Variants in EEF1AKMT2 observed in about 807,000 individuals in gnomAD.
EEF1AKMT2 encodes EEF1A lysine methyltransferase 2.
In EEF1AKMT2, 32 loss-of-function variants were observed where a neutral mutation model predicts 35.8. The ratio of observed to expected loss-of-function variants is 0.89; its 90% confidence interval spans 0.67 to 1.20. The LOEUF is 1.20. Among genes scored for constraint, EEF1AKMT2 ranks in the 50% most tolerant of loss-of-function variants. The pLI, the probability that EEF1AKMT2 is intolerant of heterozygous loss-of-function variation, is 0.00. For synonymous variants in EEF1AKMT2, 121 were observed against 133.7 expected, an observed-to-expected ratio of 0.91 and a Z score of 0.65; for missense variants, 330 against 347.5, an observed-to-expected ratio of 0.95 and a Z score of 0.40.
chr10:124,789,495 C>T (rs905314164), intron 2 of EEF1AKMT2, among the ~76,000 whole-genome samples: 3 of 152,198 alleles, frequency 2.0e-5, no homozygotes, highest in African/African-American at 7.2e-5. Context: ...AGAGGGCTCA[C>T]ACCCATTCTC....
At chr10:124,788,949 T>TTA (rs1022385909) in intron 3 of EEF1AKMT2, 94 bp downstream of exon 3, 5 of 795,800 alleles carry the variant, frequency 6.3e-6, no homozygotes, top group Non-Finnish European at 8.1e-6. Context: ...CTTTACTATT[T>TTA]TATATTTAGA....
intron 4 of EEF1AKMT2, among the ~76,000 whole-genome samples, chr10:124,768,708 C>T (rs1950402032): frequency 1.3e-5 from 2 of 151,946 alleles, no homozygotes; most frequent in Non-Finnish European, 1.5e-5. Flanking sequence ...CAGGATGGTG[C>T]CACTGCACTC....
At position 124,774,738 on chromosome 10, in the gene EEF1AKMT2, A is replaced by T; in HGVS notation, c.336T>A (p.Pro112=). Reference sequence around the variant, plus strand: ...TACTTCCAGAAAGCTGAATTGCAGAAGGAGAGTAATCAATTCCAGTAATAT... The same window carrying T: ...TACTTCCAGAAAGCTGAATTGCAGATGGAGAGTAATCAATTCCAGTAATAT... The part of the protein sequence containing the change: ...FSNITGIDYS[P]SAIQLSGSII... The change falls in exon 4 of 7, where the codon CCT becomes CCA. Residue 112 remains proline, a synonymous_variant. Transcript: ENST00000368836. The T allele has an allele frequency of 6.7e-7, 1 of 1,486,118 alleles. No homozygotes were observed. 92.1% of individuals were successfully genotyped at this position (1,486,118 alleles called of 1,614,324 possible).
chr10:124,780,685 A>T (rs1453782709), intron 3 of EEF1AKMT2, among the ~76,000 whole-genome samples: 2 of 152,150 alleles, frequency 1.3e-5, no homozygotes, highest in African/African-American at 4.8e-5. Flanking sequence ...TACAGAAAAA[A>T]AAAATAGAAA....
chr10:124,771,346 A>T (rs534728296), intron 4 of EEF1AKMT2, among the ~76,000 whole-genome samples: 2 of 151,178 alleles, frequency 1.3e-5, no homozygotes, highest in South Asian at 2.1e-4. Context: ...TGATCCGCCC[A>T]CCTTGGCCTC....
intron 3 of EEF1AKMT2, among the ~76,000 whole-genome samples, chr10:124,783,137 CTTTTTTTTTT>C (rs34632746): frequency 7.6e-4 from 65 of 85,022 alleles, no homozygotes; most frequent in African/African-American, 2.6e-3. Flanking sequence ...AGGGAAAAAC[CTTTTTTTTTT>C]TTTTTTTTTT....
chr10:124,758,322 T>TG lies in EEF1AKMT2; in HGVS notation c.*2180dup, dbSNP rs1188948731. On this transcript the variant is annotated 3_prime_UTR_variant, in exon 7 of 7. Transcript: ENST00000368836. ...TTTATGGTTTGTTTCAGGAACCTGG[T>TG]GACACTTGCTGGCCTGGTTTTTACA... 5 of 152,202 alleles carry TG rather than the reference T, an allele frequency of 3.3e-5. No individual in the cohort carries two copies. Among genetic ancestry groups the TG allele is most frequent in the Admixed American group, 2.0e-4 (3 of 15,280 alleles). The allele number at this position is 152,202 out of a possible 1,614,324, so 9.4% of individuals were successfully genotyped here.
At chr10:124,764,824 G>A (rs555325461) in intron 5 of EEF1AKMT2, among the ~76,000 whole-genome samples, 2 of 152,332 alleles carry the variant, frequency 1.3e-5, no homozygotes, top group African/African-American at 4.8e-5. Flanking sequence ...CACAATATAT[G>A]TGCTTTTTGT....
rs939301607 is a variant in EEF1AKMT2, at chr10:124,758,825, A to G, written c.*1678T>C. The G allele has an allele frequency of 6.6e-6, 1 of 152,166 alleles. No homozygotes were observed. Among genetic ancestry groups the G allele is most frequent in the Non-Finnish European group, 1.5e-5 (1 of 68,032 alleles). The allele number at this position is 152,166 out of a possible 1,614,324, so 9.4% of individuals were successfully genotyped here. A position where few individuals can be genotyped will look rare whatever the true frequency, so the allele number is the denominator to read the frequency against. ...GATCTCCTGTCTTGGTAAAATCAAC[A>G]CAATCTTCTAAAAAATTTAAATTGC... On this transcript the variant is annotated 3_prime_UTR_variant, in exon 7 of 7. Transcript: ENST00000368836.
intron 4 of EEF1AKMT2, among the ~76,000 whole-genome samples, chr10:124,767,060 C>T (rs35845113): frequency 1.3e-5 from 2 of 149,140 alleles, no homozygotes; most frequent in East Asian, 4.0e-4. Flanking sequence ...ACTCGGCAGG[C>T]TGAGGCAGGA....
intron 4 of EEF1AKMT2, among the ~76,000 whole-genome samples, chr10:124,770,380 T>G (rs1312012469): frequency 6.6e-6 from 1 of 152,146 alleles, no homozygotes; most frequent in African/African-American, 2.4e-5. Context: ...ATCACACCAC[T>G]GCACTTCAGC....
rs1378232131 is a variant in EEF1AKMT2 at position 124,760,000 on chromosome 10, A to G, written c.*503T>C. The stretch of plus-strand genomic sequence containing the variant: ...ATAAACAGTCTAACAAAACACTAAC[A>G]AAGTTATTTTGCTTATTATTCTGAT... On this transcript the variant is annotated 3_prime_UTR_variant, in exon 7 of 7. Coordinates refer to ENST00000368836, the MANE Select transcript of EEF1AKMT2 (RefSeq NM_212554.4). The G allele has an allele frequency of 5.9e-6, 1 of 170,336 alleles. No homozygotes were observed. Among genetic ancestry groups the G allele is most frequent in the East Asian group, 1.6e-4 (1 of 6,186 alleles). The allele number at this position is 170,336 out of a possible 1,614,324, so 10.6% of individuals were successfully genotyped here. A position where few individuals can be genotyped will look rare whatever the true frequency, so the allele number is the denominator to read the frequency against.
At chr10:124,781,634 A>C (rs918509523) in intron 3 of EEF1AKMT2, among the ~76,000 whole-genome samples, 4 of 150,726 alleles carry the variant, frequency 2.7e-5, no homozygotes. Context: ...AAAAAAAAAA[A>C]CACTCCTTAG....
chr10:124,769,219 A>AC (rs1395021034), intron 4 of EEF1AKMT2, among the ~76,000 whole-genome samples: 258 of 10,966 alleles, frequency 0.024, 45 homozygotes, highest in Non-Finnish European at 0.12. Flanking sequence ...CACTGTCTCC[A>AC]AAAAAAAAAA....
intron 3 of EEF1AKMT2, among the ~76,000 whole-genome samples, chr10:124,781,641 T>C (rs1479428848): frequency 2.2e-5 from 3 of 136,002 alleles, no homozygotes; most frequent in East Asian, 2.2e-4. Context: ...AAAACACTCC[T>C]TAGGAATGAA....
chr10:124,771,248 T>A (rs574039255), intron 4 of EEF1AKMT2, among the ~76,000 whole-genome samples: 2 of 151,932 alleles, frequency 1.3e-5, no homozygotes, highest in African/African-American at 2.4e-5. Context: ...TACAGGCACC[T>A]GCCACCACAC....
At position 124,791,850 on chromosome 10, in the gene EEF1AKMT2, G is replaced by C. The variant is rs1950639698; in HGVS notation, c.-17C>G. 6.4e-7 allele frequency: 1 copy of C among 1,552,524 alleles called. No individual in the cohort carries two copies. Among genetic ancestry groups the C allele is most frequent in the Admixed American group, 1.8e-5 (1 of 54,194 alleles). On this transcript the variant is annotated 5_prime_UTR_variant, in exon 1 of 7. Transcript: ENST00000368836. ...CGAGCTCATTTCGCTCCACGTCCTG[G>C]ACGGCCGTTGGGGCCGCCATAGAGA... is the stretch of plus-strand genomic sequence containing the variant.
At position 124,760,302 on chromosome 10, in the gene EEF1AKMT2, C is replaced by T; in HGVS notation, c.*201G>A. 1.5e-6 allele frequency: 1 copy of T among 649,220 alleles called. No individual in the cohort carries two copies. The allele number at this position is 649,220 out of a possible 1,614,324, so 40.2% of individuals were successfully genotyped here. A position where few individuals can be genotyped will look rare whatever the true frequency, so the allele number is the denominator to read the frequency against. ...TCCAGTATACTCTATTCAACATGTG[C>T]ATCCTGTGTACTTACTAAGCATTTA... On this transcript the variant is annotated 3_prime_UTR_variant, in exon 7 of 7. Coordinates refer to ENST00000368836, the MANE Select transcript of EEF1AKMT2 (RefSeq NM_212554.4).
In EEF1AKMT2 at chr10:124,791,882, A is replaced by G. The variant is rs1317246499; in HGVS notation, c.-49T>C. 2.6e-6 allele frequency: 4 copies of G among 1,522,520 alleles called. No homozygotes were observed. In the South Asian group the frequency reaches 4.9e-5, roughly 18 times the overall value. The allele number at this position is 1,522,520 out of a possible 1,614,324, so 94.3% of individuals were successfully genotyped here. ...GTTGGGGCCGCCATAGAGACGGGGC[A>G]CAGGCAGAGCGGACGAGCGGACCGG... On this transcript the variant is annotated 5_prime_UTR_variant, in exon 1 of 7. Transcript: ENST00000368836.
Sources: allele counts gnomAD v4.1 joint callset (sites outside exome capture counted in the v4.1 genomes callset), GRCh38; gene constraint gnomAD v4.1.1; transcripts MANE v1.5; gene names NCBI Gene and HGNC (gene_info 2026-07-23, HGNC 2026-07-21).